GBX2: variants seen among roughly 807,000 people sequenced by gnomAD.
GBX2 encodes the protein gastrulation brain homeobox 2, also known as homeobox protein GBX-2.
A neutral mutation model predicts 22.4 loss-of-function variants in GBX2; 5 were observed. That is an observed-to-expected ratio of 0.22 (90% CI 0.12 to 0.47). The LOEUF (loss-of-function observed/expected upper bound fraction) is 0.47. Among genes scored for constraint, GBX2 ranks in the 20% least tolerant of loss-of-function variants. The pLI is 0.99. For synonymous variants in GBX2, 220 were observed against 230.5 expected (o/e 0.95, Z 0.41); for missense variants, 470 against 495.4 (o/e 0.95, Z 0.49).
chr2:236,161,430 T>C (rs1215416489), downstream of GBX2, among the ~76,000 whole-genome samples: 1 of 152,254 alleles, frequency 6.6e-6, no homozygotes, highest in Admixed American at 6.5e-5. Context: ...TTTATTACTC[T>C]GCCGGTGTGA....
intron 1 of GBX2, chr2:236,167,175 C>T (rs1280332778): frequency 6.5e-7 from 1 of 1,535,622 alleles, no homozygotes; most frequent in Non-Finnish European, 8.7e-7. Flanking sequence ...CAGAGGCGGC[C>T]TCGGCCAAAC....
rs532073118 is a variant in GBX2, at chr2:236,165,494, A to T, written c.*420T>A. The T allele has an allele frequency of 1.2e-5, 2 of 160,270 alleles. No individual in the cohort carries two copies. Among genetic ancestry groups the T allele is most frequent in the African/African-American group, 4.8e-5 (2 of 41,770 alleles). 9.9% of individuals were successfully genotyped at this position (160,270 alleles called of 1,614,324 possible). A position where few individuals can be genotyped will look rare whatever the true frequency, so the allele number is the denominator to read the frequency against. The stretch of plus-strand genomic sequence containing the variant: ...AAAAGCCAGAACGCAAACCAAAATC[A>T]GTTTAAACCCCAGTGCTTGTTCTTG... On this transcript the variant is annotated 3_prime_UTR_variant, in exon 2 of 2. Coordinates refer to ENST00000306318, the MANE Select transcript of GBX2 (RefSeq NM_001485.4).
chr2:236,166,425 C>T lies in GBX2; in HGVS notation c.536G>A (p.Arg179Gln). The change falls in exon 2 of 2, where the codon CGA (arginine) becomes CAA (glutamine). Residue 179 changes from arginine (R) to glutamine (Q), a missense_variant. Physicochemically the swap from Arg to Gln is conservative, Grantham distance 43. Around this residue, in one of 4 missense-constraint regions of GBX2, gnomAD observed 377 missense variants for 358.6 expected, o/e 1.05. Coordinates refer to ENST00000306318, the MANE Select transcript of GBX2 (RefSeq NM_001485.4). The surrounding 1 kb of genome is among the most constrained non-coding windows in gnomAD (Gnocchi z 6.6). ...TVQASLVGAV[R>Q]GQGKDESKVE... Reference sequence around the variant, plus strand: ...CTTTGACTCGTCTTTCCCTTGCCCTCGGACAGCCCCGACTGAAAGCAAAAC... The same window carrying T: ...CTTTGACTCGTCTTTCCCTTGCCCTTGGACAGCCCCGACTGAAAGCAAAAC... The T allele has an allele frequency of 6.2e-7, 1 of 1,609,966 alleles. No homozygotes were observed. Among genetic ancestry groups the T allele is most frequent in the South Asian group, 1.1e-5 (1 of 91,024 alleles).
rs1016248539 is a variant in GBX2, at chr2:236,166,494, C to T, written c.524-57G>A. On this transcript the variant is annotated intron_variant, in intron 1 of 1. Transcript: ENST00000306318. This position sits in a 1 kb window ranked among gnomAD's most constrained non-coding sequence, Gnocchi z 6.6. ...ATTTCGCACACTGGCCTTCCTTTCT[C>T]CTTCCCACCGTCATTTGGACATTCC... 40 of 1,511,230 alleles carry T rather than the reference C, an allele frequency of 2.6e-5. No homozygotes were observed. Among genetic ancestry groups the T allele is most frequent in the South Asian group, 1.3e-4 (11 of 81,906 alleles). The allele number at this position is 1,511,230 out of a possible 1,614,324, so 93.6% of individuals were successfully genotyped here.
chr2:236,167,537 C>G lies in GBX2; in HGVS notation c.435G>C (p.Gln145His). Residue 145 changes from glutamine (Q) to histidine (H), a missense_variant, in exon 1 of 2, where the codon CAG becomes CAC. Physicochemically the swap from Gln to His is conservative, Grantham distance 24. This residue lies in a region of GBX2 where 377 missense variants were observed against 358.6 expected (regional missense o/e 1.05). Coordinates refer to ENST00000306318, the MANE Select transcript of GBX2 (RefSeq NM_001485.4). ...GGNFDKAEAL[Q>H]ADAEDGKGFL... is the part of the protein sequence containing the mutation. Reference sequence around the variant, plus strand: ...AGCCTTTGCCGTCCTCCGCGTCAGCCTGCAGCGCCTCCGCCTTGTCGAAGT... The same window carrying G: ...AGCCTTTGCCGTCCTCCGCGTCAGCGTGCAGCGCCTCCGCCTTGTCGAAGT... 1.9e-6 allele frequency: 3 copies of G among 1,599,790 alleles called. No homozygotes were observed. Among genetic ancestry groups the G allele is most frequent in the African/African-American group, 1.4e-5 (1 of 73,692 alleles).
chr2:236,161,799 C>T (rs919827186), downstream of GBX2, among the ~76,000 whole-genome samples: 3 of 152,194 alleles, frequency 2.0e-5, no homozygotes, highest in Admixed American at 2.0e-4. Flanking sequence ...CCACTGAAGT[C>T]CAGCAGGGGA....
At chr2:236,164,959 G>A (rs2060229885), downstream of GBX2, among the ~76,000 whole-genome samples, 1 of 152,230 alleles carries the variant, frequency 6.6e-6, no homozygotes, top group African/African-American at 2.4e-5. Flanking sequence ...TCCTCTGGCC[G>A]AAGTTTGCCG....
At position 236,167,676 on chromosome 2, in the gene GBX2, G is replaced by A. The variant is rs1226523241; in HGVS notation, c.296C>T (p.Ala99Val). Residue 99 changes from alanine (A) to valine (V), a missense_variant, in exon 1 of 2, where the codon GCG becomes GTG. Ala to Val is a moderately conservative substitution (Grantham distance 64). Transcript: ENST00000306318. ...GFCSSLAQGM[A>V]LTSTLMATLP... ...CGTGGCCATGAGCGTAGAGGTGAGCGCCATGCCCTGCGCCAGGCTGGAGCA... is the reference window on the plus strand; with the variant it reads ...CGTGGCCATGAGCGTAGAGGTGAGCACCATGCCCTGCGCCAGGCTGGAGCA... 1.9e-6 allele frequency: 3 copies of A among 1,583,564 alleles called. No homozygotes were observed. The highest frequency in any genetic ancestry group is 2.6e-6 in the Non-Finnish European group (3 of 1,169,674).
chr2:236,167,177 C>T, intron 1 of GBX2: 1 of 1,535,570 alleles, frequency 6.5e-7, no homozygotes, highest in Non-Finnish European at 8.7e-7. Context: ...GAGGCGGCCT[C>T]GGCCAAACGC....
rs2106250832 is a variant in GBX2 at position 236,166,997 on chromosome 2, C to G, written c.523+452G>C. The G allele has an allele frequency of 3.9e-6, 3 of 764,286 alleles. No individual in the cohort carries two copies. The highest frequency in any genetic ancestry group is 5.5e-5 in the East Asian group (2 of 36,650). The allele number at this position is 764,286 out of a possible 1,614,324, so 47.3% of individuals were successfully genotyped here. A position where few individuals can be genotyped will look rare whatever the true frequency, so the allele number is the denominator to read the frequency against. ...ACCAGACACCCCCAACACAAACACA[C>G]AGGCACAGCCTCCCAGCAGTCCGTT... On this transcript the variant is annotated intron_variant, in intron 1 of 1. Coordinates refer to ENST00000306318, the MANE Select transcript of GBX2 (RefSeq NM_001485.4). This position sits in a 1 kb window ranked among gnomAD's most constrained non-coding sequence, Gnocchi z 6.6.
Position 236,167,457 on chromosome 2 carries a change from G to C in GBX2, c.515C>G (p.Ala172Gly). ...LAFSAAETVQ[A>G]SLVGAVRGQG... is the part of the protein sequence containing the mutation. The stretch of plus-strand genomic sequence containing the variant: ...GCGCGCCGCCGACTCACCGAGCGAA[G>C]CCTGCACCGTCTCGGCCGCGGAGAA... The change falls in exon 1 of 2, where the codon GCT (alanine) becomes GGT (glycine). Residue 172 changes from alanine to glycine, a missense_variant. By Grantham distance (60) the Ala-to-Gly change is moderately conservative. Coordinates refer to ENST00000306318, the MANE Select transcript of GBX2 (RefSeq NM_001485.4). The C allele has an allele frequency of 6.4e-7, 1 of 1,572,348 alleles. No individual in the cohort carries two copies. Among genetic ancestry groups the C allele is most frequent in the Non-Finnish European group, 8.6e-7 (1 of 1,168,058 alleles).
In GBX2 at chr2:236,166,896, C is replaced by G. The variant is rs1419250184; in HGVS notation, c.524-459G>C. Among the ~76,000 whole-genome samples the G allele has an allele frequency of 1.3e-5, 2 of 152,158 alleles. No homozygotes were observed. Among genetic ancestry groups the G allele is most frequent in the Admixed American group, 6.5e-5 (1 of 15,276 alleles). The stretch of plus-strand genomic sequence containing the variant: ...CCTAACCGGAGTGGAGGCGTAGGGA[C>G]GTGCAGATCCCAGACCATCTTTTTT... On this transcript the variant is annotated intron_variant, in intron 1 of 1. Coordinates refer to ENST00000306318, the MANE Select transcript of GBX2 (RefSeq NM_001485.4). This position sits in a 1 kb window ranked among gnomAD's most constrained non-coding sequence, Gnocchi z 6.6.
Position 236,167,627 on chromosome 2 carries a change from C to T in GBX2, c.345G>A (p.Ser115=). 1 of 1,593,028 alleles carries T rather than the reference C, an allele frequency of 6.3e-7. No homozygotes were observed. The highest frequency in any genetic ancestry group is 1.4e-5 in the African/African-American group (1 of 73,282). Reference sequence around the variant, plus strand: ...CCGCTGCCGCCTCCTGGTGCTGGGGCGACGCGGAGAAGCCGCCGGGGAGCG... The same window carrying T: ...CCGCTGCCGCCTCCTGGTGCTGGGGTGACGCGGAGAAGCCGCCGGGGAGCG... ...MATLPGGFSA[S]PQHQEAAAAR... The change falls in exon 1 of 2, where the codon TCG becomes TCA. Residue 115 remains serine, a synonymous_variant. Transcript: ENST00000306318.
At chr2:236,163,872 C>A (rs985942033), downstream of GBX2, among the ~76,000 whole-genome samples, 2 of 152,116 alleles carry the variant, frequency 1.3e-5, no homozygotes, top group African/African-American at 4.8e-5. Flanking sequence ...GCGACCCGGG[C>A]GCCATCCCCT....
chr2:236,164,720 G>A (rs918975913), downstream of GBX2, among the ~76,000 whole-genome samples: 1 of 152,192 alleles, frequency 6.6e-6, no homozygotes, highest in Admixed American at 6.5e-5. Flanking sequence ...AGGGCTGCCG[G>A]GAAGCCGGCT....
In GBX2 at chr2:236,166,531, C is replaced by T; in HGVS notation, c.524-94G>A. 1 of 1,113,792 alleles carries T rather than the reference C, an allele frequency of 9.0e-7. No homozygotes were observed. Among genetic ancestry groups the T allele is most frequent in the East Asian group, 2.4e-5 (1 of 41,986 alleles). 69.0% of individuals were successfully genotyped at this position (1,113,792 alleles called of 1,614,324 possible). On this transcript the variant is annotated intron_variant, in intron 1 of 1. Coordinates refer to ENST00000306318, the MANE Select transcript of GBX2 (RefSeq NM_001485.4). This position sits in a 1 kb window ranked among gnomAD's most constrained non-coding sequence, Gnocchi z 6.6. ...CATTTGGACATTCCGCGCCCCCCGC[C>T]CCCCACCCTTTAGCGGATTGTCTTT...
In GBX2 at chr2:236,166,408, C is replaced by T. The variant is rs769399375; in HGVS notation, c.553G>A (p.Glu185Lys). 15 of 1,612,816 alleles carry T rather than the reference C, an allele frequency of 9.3e-6. No individual in the cohort carries two copies. Among genetic ancestry groups the T allele is most frequent in the African/African-American group, 1.3e-5 (1 of 74,920 alleles). Reference protein sequence around the residue: ...VGAVRGQGKDESKVEDDPKGK... With the variant: ...VGAVRGQGKDKSKVEDDPKGK... ...TTCGGGTCGTCTTCCACCTTTGACT[C>T]GTCTTTCCCTTGCCCTCGGACAGCC... The change falls in exon 2 of 2, where the codon GAG (glutamate) becomes AAG (lysine). Residue 185 changes from glutamate (E) to lysine (K), a missense_variant. Transcript: ENST00000306318. This position sits in a 1 kb window ranked among gnomAD's most constrained non-coding sequence, Gnocchi z 6.6.
At chr2:236,164,379 C>T (rs1353946291), downstream of GBX2, among the ~76,000 whole-genome samples, 1 of 152,122 alleles carries the variant, frequency 6.6e-6, no homozygotes, top group Non-Finnish European at 1.5e-5. Flanking sequence ...GCCCGCTGAA[C>T]GCCCCTGGGC....
downstream of GBX2, among the ~76,000 whole-genome samples, chr2:236,161,919 G>A (rs549750926): frequency 2.4e-4 from 37 of 152,322 alleles, no homozygotes; most frequent in African/African-American, 8.9e-4. Context: ...TGATCCAAAG[G>A]CTCCTGAGGC....
Sources: allele counts gnomAD v4.1 joint callset (sites outside exome capture counted in the v4.1 genomes callset), GRCh38; gene constraint gnomAD v4.1.1; regional missense constraint gnomAD v4.1.1; non-coding constraint Gnocchi (gnomAD v3.1); transcripts MANE v1.5; gene names NCBI Gene and HGNC (gene_info 2026-07-23, HGNC 2026-07-21).